Variants in KCNJ10 observed in about 807,000 individuals in gnomAD.
The protein encoded by KCNJ10 is potassium inwardly rectifying channel subfamily J member 10, also known as ATP-sensitive inward rectifier potassium channel 10.
KCNJ10 carries 9 observed loss-of-function variants against 22.2 expected under a neutral mutation model. The ratio of observed to expected loss-of-function variants is 0.40; its 90% confidence interval spans 0.24 to 0.71. The LOEUF (loss-of-function observed/expected upper bound fraction) is 0.71, where lower values mean the gene tolerates loss of function less well. Among genes scored for constraint, KCNJ10 ranks in the 30% least tolerant of loss-of-function variants. KCNJ10 has a pLI of 0.35. For missense variants in KCNJ10, 337 were observed against 482.7 expected (o/e 0.70, Z 2.83); for synonymous variants, 184 against 187.3 (o/e 0.98, Z 0.15).
intron 1 of KCNJ10, among the ~76,000 whole-genome samples, chr1:160,052,354 A>G: frequency 6.6e-6 from 1 of 152,236 alleles, no homozygotes; most frequent in East Asian, 1.9e-4. Flanking sequence ...TCTGTCCATC[A>G]TGCTCAAGAA....
chr1:160,049,690 T>TC (rs1648847817), intron 1 of KCNJ10, among the ~76,000 whole-genome samples: 5 of 112,744 alleles, frequency 4.4e-5, no homozygotes, highest in African/African-American at 1.8e-4. Flanking sequence ...TATATATATA[T>TC]ATATATATAT....
chr1:160,052,753 C>A (rs1395709656), intron 1 of KCNJ10, among the ~76,000 whole-genome samples: 2 of 152,188 alleles, frequency 1.3e-5, no homozygotes, highest in Non-Finnish European at 2.9e-5. Flanking sequence ...CTCAGTCAAG[C>A]CTCTCAGCCT....
intron 1 of KCNJ10, among the ~76,000 whole-genome samples, chr1:160,043,314 CA>C (rs60610623): frequency 6.9e-6 from 1 of 145,944 alleles, no homozygotes; most frequent in South Asian, 2.3e-4. Context: ...CACACACACA[CA>C]ACCTTAATTT....
At chr1:160,053,296 C>A (rs1648948599) in intron 1 of KCNJ10, among the ~76,000 whole-genome samples, 1 of 152,132 alleles carries the variant, frequency 6.6e-6, no homozygotes, top group Admixed American at 6.5e-5. Flanking sequence ...TGAATAGCGA[C>A]CTTAGAGTCC....
intron 1 of KCNJ10, among the ~76,000 whole-genome samples, chr1:160,058,088 T>C (rs1649085250): frequency 6.6e-6 from 1 of 152,234 alleles, no homozygotes; most frequent in Non-Finnish European, 1.5e-5. Flanking sequence ...CTGTATTTTG[T>C]TCATCTTTGT....
rs1020483757 is a variant in KCNJ10 at position 160,041,074 on chromosome 1, C to T, written c.*319G>A. 4.8e-6 allele frequency: 2 copies of T among 418,448 alleles called. No individual in the cohort carries two copies. Among genetic ancestry groups the T allele is most frequent in the African/African-American group, 2.0e-5 (1 of 50,320 alleles). The allele number at this position is 418,448 out of a possible 1,614,324, so 25.9% of individuals were successfully genotyped here. On this transcript the variant is annotated 3_prime_UTR_variant, in exon 2 of 2. Coordinates refer to ENST00000644903, the MANE Select transcript of KCNJ10 (RefSeq NM_002241.5). The surrounding 1 kb of genome is among the most constrained non-coding windows in gnomAD (Gnocchi z 4.4). ...GGTAGGGGGCAGTCTATCCTTCCAA[C>T]CACATGGTCCTCCTAATGTGAGTAT...
rs141648230 is a variant in KCNJ10 at position 160,043,722 on chromosome 1, G to A, written c.1-1190C>T. On this transcript the variant is annotated intron_variant, in intron 1 of 1. Coordinates refer to ENST00000644903, the MANE Select transcript of KCNJ10 (RefSeq NM_002241.5). ...GGGGTGTATATTAACTAGCAGCTAT[G>A]TCTGCACAGGCTCAAATTCAGTATT... Among the ~76,000 whole-genome samples the A allele has an allele frequency of 1.2e-3, 178 of 152,374 alleles. 2 individuals are homozygous for A. The highest frequency in any genetic ancestry group is 4.1e-3 in the African/African-American group (170 of 41,596).
chr1:160,046,264 A>G (rs1049404340), intron 1 of KCNJ10, among the ~76,000 whole-genome samples: 4 of 152,220 alleles, frequency 2.6e-5, no homozygotes, highest in African/African-American at 9.6e-5. Flanking sequence ...TTTAAAATTT[A>G]TAAAATATAT....
chr1:160,066,279 A>G (rs1290918382), intron 1 of KCNJ10, among the ~76,000 whole-genome samples: 1 of 152,200 alleles, frequency 6.6e-6, no homozygotes, highest in African/African-American at 2.4e-5. Context: ...CCCCACCTCA[A>G]GTGATGCCCA....
chr1:160,046,948 A>G (rs746775714), intron 1 of KCNJ10, among the ~76,000 whole-genome samples: 1 of 152,218 alleles, frequency 6.6e-6, no homozygotes, highest in Non-Finnish European at 1.5e-5. Flanking sequence ...GTGGCGAAAG[A>G]GACAGAAACA....
At chr1:160,052,798 G>T (rs1648934390) in intron 1 of KCNJ10, among the ~76,000 whole-genome samples, 1 of 152,166 alleles carries the variant, frequency 6.6e-6, no homozygotes, top group Admixed American at 6.5e-5. Flanking sequence ...TGGAATAGGG[G>T]TTGGTATTAG....
At chr1:160,054,074 G>A (rs911231) in intron 1 of KCNJ10, among the ~76,000 whole-genome samples, 72,983 of 151,982 alleles carry the variant, frequency 0.48, 17,753 homozygotes, top group East Asian at 0.66. Flanking sequence ...CCCACAGGAT[G>A]GCATCTTGGG....
At position 160,041,209 on chromosome 1, in the gene KCNJ10, G is replaced by C; in HGVS notation, c.*184C>G. The C allele has an allele frequency of 1.6e-6, 1 of 635,096 alleles. No individual in the cohort carries two copies. Among genetic ancestry groups the C allele is most frequent in the South Asian group, 1.8e-5 (1 of 55,458 alleles). 39.3% of individuals were successfully genotyped at this position (635,096 alleles called of 1,614,324 possible). A position where few individuals can be genotyped will look rare whatever the true frequency, so the allele number is the denominator to read the frequency against. On this transcript the variant is annotated 3_prime_UTR_variant, in exon 2 of 2. Transcript: ENST00000644903. The surrounding 1 kb of genome is among the most constrained non-coding windows in gnomAD (Gnocchi z 4.4). ...GGGCAGAAGCTGGGGAAGTGGAAAG[G>C]GGACAGTGGGAGGCGAACCTGGACT... is the stretch of plus-strand genomic sequence containing the variant.
intron 1 of KCNJ10, among the ~76,000 whole-genome samples, chr1:160,049,671 T>TTATTTATATATATATATATATATATATA: frequency 1.8e-5 from 1 of 55,488 alleles, no homozygotes; most frequent in African/African-American, 6.7e-5. Context: ...AGCATTTTAT[T>TTATTTATATATATATATATATATATATA]TATTTATATA....
intron 1 of KCNJ10, among the ~76,000 whole-genome samples, chr1:160,057,379 C>T (rs1260477131): frequency 6.6e-6 from 1 of 152,238 alleles, no homozygotes; most frequent in Non-Finnish European, 1.5e-5. Context: ...TACACCATCC[C>T]TTCGATCTCC....
At chr1:160,062,156 C>T (rs568793327) in intron 1 of KCNJ10, among the ~76,000 whole-genome samples, 4 of 152,260 alleles carry the variant, frequency 2.6e-5, no homozygotes, top group Non-Finnish European at 5.9e-5. Flanking sequence ...AAATGCCCAT[C>T]TCCCCAGCCT....
chr1:160,052,639 G>A (rs977481671), intron 1 of KCNJ10, among the ~76,000 whole-genome samples: 13 of 152,320 alleles, frequency 8.5e-5, no homozygotes, highest in Non-Finnish European at 1.6e-4. Context: ...ATGTGTAAAA[G>A]CCACTCAGAA....
intron 1 of KCNJ10, among the ~76,000 whole-genome samples, chr1:160,061,552 A>G (rs1178918026): frequency 1.3e-5 from 2 of 152,024 alleles, no homozygotes; most frequent in African/African-American, 2.4e-5. Flanking sequence ...GAGTGCAGCA[A>G]GAGGCTGTGT....
At chr1:160,056,194 AC>A (rs1481208805) in intron 1 of KCNJ10, among the ~76,000 whole-genome samples, 2 of 151,990 alleles carry the variant, frequency 1.3e-5, no homozygotes, top group African/African-American at 4.8e-5. Flanking sequence ...GTTCTCTTGC[AC>A]CCAGGCTCAC....
Sources: gnomAD v4.1 joint callset for allele counts (sites outside exome capture counted in the v4.1 genomes callset) on GRCh38, gnomAD v4.1.1 for gene constraint, Gnocchi (gnomAD v3.1) non-coding constraint, MANE v1.5 for transcripts, NCBI Gene and HGNC (gene_info 2026-07-23, HGNC 2026-07-21) for gene names.